Variants in ASCC1 observed in about 807,000 individuals in gnomAD.
ASCC1 encodes the protein activating signal cointegrator 1 complex subunit 1, also known as ASC-1 complex subunit P50.
In ASCC1, 35 loss-of-function variants were observed where a neutral mutation model predicts 46.6. The observed-to-expected ratio is 0.75, with a 90% CI of 0.57 to 0.99. The LOEUF (loss-of-function observed/expected upper bound fraction) is 0.99, where lower values mean the gene tolerates loss of function less well. ASCC1 is among the 50% of genes least tolerant of loss of function. ASCC1 has a pLI of 0.00. For missense variants in ASCC1, 376 were observed against 428.7 expected (o/e 0.88, Z 1.09); for synonymous variants, 143 against 146.6 (o/e 0.98, Z 0.18).
chr10:72,188,686 A>C (rs1175119292), intron 5 of ASCC1, among the ~76,000 whole-genome samples: 1 of 152,182 alleles, frequency 6.6e-6, no homozygotes, highest in Non-Finnish European at 1.5e-5. Flanking sequence ...AACTCGCAGT[A>C]AAGTATAGCA....
At chr10:72,133,013 G>A (rs142117888) in intron 8 of ASCC1, 44 bp downstream of exon 8, 1 of 1,613,276 alleles carries the variant, frequency 6.2e-7, no homozygotes, top group African/African-American at 1.3e-5. Context: ...GATGCCACAA[G>A]GCCGCTGATC....
intron 6 of ASCC1, among the ~76,000 whole-genome samples, chr10:72,157,966 T>C (rs992156996): frequency 6.6e-6 from 1 of 152,256 alleles, no homozygotes; most frequent in African/African-American, 2.4e-5. Flanking sequence ...TTATGGTTTC[T>C]AAATCTCTGA....
chr10:72,191,956 T>C (rs1432649514), intron 5 of ASCC1, among the ~76,000 whole-genome samples: 1 of 151,726 alleles, frequency 6.6e-6, no homozygotes, highest in East Asian at 1.9e-4. Context: ...CAGGAAAAGA[T>C]TTTTTAGACA....
At chr10:72,206,799 A>AT (rs1202451583) in intron 3 of ASCC1, among the ~76,000 whole-genome samples, 2 of 152,114 alleles carry the variant, frequency 1.3e-5, no homozygotes, top group African/African-American at 4.8e-5. Context: ...TTTTGGATTA[A>AT]ATAAAGGTTG....
At chr10:72,191,850 G>A (rs553301884) in intron 5 of ASCC1, among the ~76,000 whole-genome samples, 4 of 151,796 alleles carry the variant, frequency 2.6e-5, no homozygotes, top group South Asian at 2.1e-4. Context: ...GCTTCACCAC[G>A]CTGGCCAGGC....
chr10:72,119,014 C>T (rs550868584), intron 9 of ASCC1, among the ~76,000 whole-genome samples: 3 of 152,260 alleles, frequency 2.0e-5, no homozygotes, highest in South Asian at 2.1e-4. Flanking sequence ...CAAATTGCTG[C>T]CCCCAAAACT....
At chr10:72,203,611 G>C in intron 3 of ASCC1, 87 bp from the exon 4 acceptor site, 1 of 977,782 alleles carries the variant, frequency 1.0e-6, no homozygotes, top group South Asian at 1.3e-5. Context: ...TGTGACAAGA[G>C]ATACTCCCTT....
intron 5 of ASCC1, among the ~76,000 whole-genome samples, chr10:72,186,334 G>A (rs1853445536): frequency 6.6e-6 from 1 of 151,928 alleles, no homozygotes; most frequent in Non-Finnish European, 1.5e-5. Context: ...AAATTTATGA[G>A]CCAGGAGATT....
chr10:72,098,478 G>A (rs75401737), intron 9 of ASCC1, among the ~76,000 whole-genome samples: 3,501 of 152,302 alleles, frequency 0.023, 63 homozygotes, highest in Non-Finnish European at 0.037. Flanking sequence ...TCCCATCTCA[G>A]CCTCCCAAAG....
intron 7 of ASCC1, among the ~76,000 whole-genome samples, chr10:72,146,040 A>G (rs1847589526): frequency 6.6e-6 from 1 of 152,106 alleles, no homozygotes; most frequent in South Asian, 2.1e-4. Flanking sequence ...TGCATTTGCT[A>G]TTTATTCCCA....
intron 5 of ASCC1, among the ~76,000 whole-genome samples, chr10:72,167,706 T>C (rs1850543178): frequency 6.6e-6 from 1 of 151,440 alleles, no homozygotes; most frequent in African/African-American, 2.4e-5. Context: ...GGCATGATCA[T>C]GAATCCTGCA....
chr10:72,193,475 CACACCA>C (rs762446746), intron 5 of ASCC1, among the ~76,000 whole-genome samples: 4 of 145,584 alleles, frequency 2.7e-5, no homozygotes, highest in Admixed American at 1.4e-4. Context: ...CACACACACA[CACACCA>C]CACACACACA....
chr10:72,200,278 T>C (rs542104239), intron 4 of ASCC1, among the ~76,000 whole-genome samples: 1 of 152,176 alleles, frequency 6.6e-6, no homozygotes, highest in African/African-American at 2.4e-5. Context: ...GTTCGTATTA[T>C]AAGAGACTTC....
At chr10:72,169,353 T>C (rs993159818) in intron 5 of ASCC1, among the ~76,000 whole-genome samples, 2 of 151,846 alleles carry the variant, frequency 1.3e-5, no homozygotes, top group Non-Finnish European at 2.9e-5. Flanking sequence ...AGTGGGAGGA[T>C]CACTTGAGTC....
At chr10:72,136,283 C>T (rs1198045629) in intron 7 of ASCC1, among the ~76,000 whole-genome samples, 1 of 152,020 alleles carries the variant, frequency 6.6e-6, no homozygotes, top group African/African-American at 2.4e-5. Context: ...TGTAAAAACG[C>T]ACCAATCAGC....
chr10:72,137,431 G>A (rs958788780), intron 7 of ASCC1, among the ~76,000 whole-genome samples: 5 of 151,430 alleles, frequency 3.3e-5, no homozygotes, highest in African/African-American at 1.2e-4. Context: ...GGGAGGATGA[G>A]GCAGGAGAAT....
At chr10:72,205,110 C>A (rs955231749) in intron 3 of ASCC1, among the ~76,000 whole-genome samples, 6 of 152,302 alleles carry the variant, frequency 3.9e-5, no homozygotes, top group Middle Eastern at 3.4e-3. Context: ...GAGTTCAAGG[C>A]TATGGTGAGC....
chr10:72,127,169 A>C (rs1035382577), intron 9 of ASCC1, among the ~76,000 whole-genome samples: 4 of 152,242 alleles, frequency 2.6e-5, no homozygotes, highest in Non-Finnish European at 5.9e-5. Flanking sequence ...CCTCCACCTC[A>C]GCAAAACACC....
In ASCC1 at chr10:72,128,078, T is replaced by C; in HGVS notation, c.957+4A>G. The C allele has an allele frequency of 1.9e-6, 3 of 1,611,678 alleles. No homozygotes were observed. Among genetic ancestry groups the C allele is most frequent in the Non-Finnish European group, 2.5e-6 (3 of 1,177,754 alleles). On this transcript the variant is annotated splice_donor_region_variant and intron_variant, in intron 9 of 9. Coordinates refer to ENST00000672957, the MANE Select transcript of ASCC1 (RefSeq NM_001198800.3). ...ATTTCCAATTCACTCTGCTTCATAC[T>C]GACCTTTAAAATATTTCGGCCATCA...
Sources: allele counts gnomAD v4.1 joint callset (sites outside exome capture counted in the v4.1 genomes callset), GRCh38; gene constraint gnomAD v4.1.1; transcripts MANE v1.5; gene names NCBI Gene and HGNC (gene_info 2026-07-23, HGNC 2026-07-21).